LRRC4C: variants seen among roughly 807,000 people sequenced by gnomAD.
LRRC4C encodes the protein leucine-rich repeat-containing protein 4C.
A neutral mutation model predicts 33.6 loss-of-function variants in LRRC4C; 5 were observed. The observed-to-expected ratio is 0.15, with a 90% CI of 0.08 to 0.31. The LOEUF (loss-of-function observed/expected upper bound fraction) is 0.31. Among genes scored for constraint, LRRC4C ranks in the 10% least tolerant of loss-of-function variants. LRRC4C has a pLI of 1.00. For missense variants in LRRC4C, 560 were observed against 796.7 expected (o/e 0.70, Z 3.58); for synonymous variants, 329 against 302.0 (o/e 1.09, Z -0.93).
At chr11:41,310,394 T>TA (rs1950613486) in intron 1 of LRRC4C, among the ~76,000 whole-genome samples, 2 of 152,352 alleles carry the variant, frequency 1.3e-5, no homozygotes, top group Admixed American at 6.5e-5. Flanking sequence ...TATGTAAAGT[T>TA]AGAGACTGGA....
intron 3 of LRRC4C, among the ~76,000 whole-genome samples, chr11:40,500,260 A>G (rs10742543): frequency 1 from 140,850 of 141,492 alleles, 70,111 homozygotes; most frequent in Middle Eastern, 1. Context: ...AGACCACATA[A>G]CCTAATGTCT....
At chr11:40,692,412 T>C (rs866903491) in intron 2 of LRRC4C, among the ~76,000 whole-genome samples, 1 of 152,078 alleles carries the variant, frequency 6.6e-6, no homozygotes, top group Non-Finnish European at 1.5e-5. Flanking sequence ...AAGACTCTTG[T>C]ATTATTTTGA....
intron 2 of LRRC4C, among the ~76,000 whole-genome samples, chr11:40,767,224 C>A (rs1011781690): frequency 1.3e-5 from 2 of 151,922 alleles, no homozygotes; most frequent in African/African-American, 4.8e-5. Flanking sequence ...ATAAAAAAGA[C>A]AAAGGAGGTA....
chr11:40,520,312 C>T (rs1213578688), intron 3 of LRRC4C, among the ~76,000 whole-genome samples: 6 of 152,106 alleles, frequency 3.9e-5, no homozygotes, highest in Admixed American at 3.9e-4. Flanking sequence ...TGCAGGAGGC[C>T]TAACATTTGG....
intron 1 of LRRC4C, among the ~76,000 whole-genome samples, chr11:41,439,620 A>G (rs1420267043): frequency 6.6e-6 from 1 of 152,152 alleles, no homozygotes; most frequent in Non-Finnish European, 1.5e-5. Context: ...TTTTATTACA[A>G]TAACTAATTT....
At chr11:40,623,915 A>G (rs1962693094) in intron 3 of LRRC4C, among the ~76,000 whole-genome samples, 1 of 152,154 alleles carries the variant, frequency 6.6e-6, no homozygotes, top group Non-Finnish European at 1.5e-5. Context: ...AATTAAAACA[A>G]TGCTTCAAAA....
intron 1 of LRRC4C, among the ~76,000 whole-genome samples, chr11:41,360,877 C>T (rs1952332254): frequency 6.6e-6 from 1 of 152,106 alleles, no homozygotes; most frequent in Non-Finnish European, 1.5e-5. Context: ...TTTATTTACT[C>T]ATGATGATAA....
At chr11:40,328,420 T>A (rs903350128) in intron 3 of LRRC4C, among the ~76,000 whole-genome samples, 3 of 152,226 alleles carry the variant, frequency 2.0e-5, no homozygotes, top group Admixed American at 2.0e-4. Flanking sequence ...ATCAGTTCAA[T>A]GGTACAGTAT....
At chr11:40,607,644 G>T (rs1009193896) in intron 3 of LRRC4C, among the ~76,000 whole-genome samples, 1 of 152,128 alleles carries the variant, frequency 6.6e-6, no homozygotes, top group Non-Finnish European at 1.5e-5. Flanking sequence ...TCTGCTGAGA[G>T]CTACTTCCAC....
At chr11:40,550,712 C>T (rs957569854) in intron 3 of LRRC4C, among the ~76,000 whole-genome samples, 2 of 151,994 alleles carry the variant, frequency 1.3e-5, no homozygotes, top group Non-Finnish European at 2.9e-5. Flanking sequence ...CAGGCAGAGG[C>T]TCATTGGTGT....
At chr11:41,389,863 G>T (rs527451687) in intron 1 of LRRC4C, among the ~76,000 whole-genome samples, 16 of 151,780 alleles carry the variant, frequency 1.1e-4, no homozygotes, top group African/African-American at 3.4e-4. Context: ...GCTAATCCTG[G>T]ACATGAATAT....
intron 3 of LRRC4C, among the ~76,000 whole-genome samples, chr11:40,527,756 A>ATTTT (rs74970166): frequency 8.1e-5 from 12 of 148,672 alleles, no homozygotes; most frequent in African/African-American, 1.7e-4. Flanking sequence ...TTAGAAGATA[A>ATTTT]TTTTTTTTTT....
At chr11:41,325,571 T>G (rs1269321126) in intron 1 of LRRC4C, among the ~76,000 whole-genome samples, 2 of 84,666 alleles carry the variant, frequency 2.4e-5, no homozygotes, top group African/African-American at 7.6e-5. Flanking sequence ...TTATAGTTTT[T>G]TTTTTTTGTG....
intron 2 of LRRC4C, among the ~76,000 whole-genome samples, chr11:40,714,385 C>A (rs1005176974): frequency 6.6e-6 from 1 of 152,180 alleles, no homozygotes; most frequent in Non-Finnish European, 1.5e-5. Flanking sequence ...AATATTGCTA[C>A]TATTTCTTAA....
chr11:41,031,201 G>A (rs951269543), intron 1 of LRRC4C, among the ~76,000 whole-genome samples: 5 of 151,866 alleles, frequency 3.3e-5, no homozygotes, highest in East Asian at 1.9e-4. Flanking sequence ...TGAAAAGGCC[G>A]AAGGTTGAGC....
intron 3 of LRRC4C, among the ~76,000 whole-genome samples, chr11:40,588,288 T>G (rs1958860114): frequency 6.6e-6 from 1 of 151,906 alleles, no homozygotes. Flanking sequence ...TATTCTCTGA[T>G]GGTAGTTTGT....
intron 3 of LRRC4C, among the ~76,000 whole-genome samples, chr11:40,494,936 C>T (rs1366762225): frequency 6.6e-6 from 1 of 152,164 alleles, no homozygotes; most frequent in Non-Finnish European, 1.5e-5. Flanking sequence ...ATTTTTCCTT[C>T]TGTAAATTAT....
rs11035799 is a variant in LRRC4C at position 40,355,953 on chromosome 11, T to A, written c.-269-36232A>T. ...TTACATTCATAGTATAGTATAGTAT[T>A]GTATAGTATAGTATAGTATAGTACA... is the stretch of plus-strand genomic sequence containing the variant. On this transcript the variant is annotated intron_variant, in intron 3 of 6. Coordinates refer to ENST00000528697, the MANE Select transcript of LRRC4C (RefSeq NM_001258419.2). 2.9e-3 allele frequency among the ~76,000 whole-genome samples: 353 copies of A among 121,590 alleles called. 2 individuals carry two copies. Among genetic ancestry groups the A allele is most frequent in the South Asian group, 0.017 (61 of 3,592 alleles). The allele number at this position is 121,590 out of a possible 152,430, so 79.8% of individuals were successfully genotyped here.
At chr11:40,131,110 T>C (rs1399198580) in intron 6 of LRRC4C, among the ~76,000 whole-genome samples, 2 of 152,230 alleles carry the variant, frequency 1.3e-5, no homozygotes, top group African/African-American at 2.4e-5. Flanking sequence ...TATTTAGGCA[T>C]TCAATAAATA....
Sources: gnomAD v4.1 joint callset for allele counts (sites outside exome capture counted in the v4.1 genomes callset) on GRCh38, gnomAD v4.1.1 for gene constraint, MANE v1.5 for transcripts, NCBI Gene and HGNC (gene_info 2026-07-23, HGNC 2026-07-21) for gene names.